DCAF6: variants seen among roughly 807,000 people sequenced by gnomAD.
The protein encoded by DCAF6 is DDB1- and CUL4-associated factor 6.
Under a neutral mutation model 125.1 loss-of-function variants are expected in DCAF6, and 54 were observed. The ratio of observed to expected loss-of-function variants is 0.43; its 90% CI spans 0.35 to 0.54. DCAF6 has a LOEUF of 0.54. Among genes scored for constraint, DCAF6 ranks in the 20% least tolerant of loss-of-function variants. The pLI is 0.01. For synonymous variants in DCAF6, 371 were observed against 390.4 expected (o/e 0.95, Z 0.58); for missense variants, 934 against 1,161.7 (o/e 0.80, Z 2.85).
chr1:168,020,150 G>A lies in DCAF6; in HGVS notation c.1550-2838G>A, dbSNP rs190706017. Among the ~76,000 whole-genome samples, 7 of 152,288 alleles carry A rather than the reference G, an allele frequency of 4.6e-5. No individual in the cohort carries two copies. In the East Asian group the frequency reaches 1.2e-3, roughly 25 times the overall value. ...TAAACATTAAATGACCCATTCCTAT[G>A]TGCTGTCTGAATATTTTACATGGAT... On this transcript the variant is annotated intron_variant, in intron 11 of 21. Transcript: ENST00000367840.
intron 10 of DCAF6, among the ~76,000 whole-genome samples, chr1:168,011,351 C>T (rs1169968094): frequency 2.6e-5 from 4 of 151,978 alleles, no homozygotes; most frequent in Admixed American, 2.0e-4. Context: ...CTCCTGAGCT[C>T]GTGATCCACC....
In DCAF6 at chr1:168,066,384, C is replaced by T. The variant is rs754155661; in HGVS notation, c.2604C>T (p.Ala868=). ...TATAAATTTTATTTCTAGTTTTAGC[C>T]TCATCTGGCATAGATTATGACATAA... is the stretch of plus-strand genomic sequence containing the variant. ...LQPHPFDPIL[A]SSGIDYDIKI... is the part of the protein sequence containing the mutation. The change falls in exon 20 of 22, where the codon GCC becomes GCT. Residue 868 remains alanine (A), a synonymous_variant. Coordinates refer to ENST00000367840, the MANE Select transcript of DCAF6 (RefSeq NM_001198956.2). 1.9e-6 allele frequency: 3 copies of T among 1,594,340 alleles called. No individual in the cohort carries two copies. Among genetic ancestry groups the T allele is most frequent in the Non-Finnish European group, 1.7e-6 (2 of 1,169,768 alleles).
intron 12 of DCAF6, among the ~76,000 whole-genome samples, chr1:168,024,710 A>G (rs1686105392): frequency 6.6e-6 from 1 of 150,906 alleles, no homozygotes; most frequent in African/African-American, 2.4e-5. Flanking sequence ...AGGCTGAGGG[A>G]GGAGAATCGC....
the DCAF6 span, among the ~76,000 whole-genome samples, chr1:167,886,946 T>C: frequency 2.0e-5 from 3 of 152,078 alleles, no homozygotes; most frequent in South Asian, 4.1e-4. Context: ...GATGAAAAAA[T>C]GTTCATCATC....
At chr1:168,002,448 A>G in intron 7 of DCAF6, 34 bp from the exon 8 acceptor site, 2 of 1,581,214 alleles carry the variant, frequency 1.3e-6, no homozygotes, top group Non-Finnish European at 1.7e-6. Flanking sequence ...TGAGTTTTAG[A>G]CTTACATAGA....
intron 13 of DCAF6, 22 bp from the exon 14 acceptor site, chr1:168,043,003 A>G: frequency 6.5e-7 from 1 of 1,527,732 alleles, no homozygotes; most frequent in Non-Finnish European, 9.0e-7. Context: ...TGGTGGAATC[A>G]CTTATCTTGT....
At chr1:167,946,311 A>T (rs1018847775) in intron 1 of DCAF6, among the ~76,000 whole-genome samples, 39 of 152,184 alleles carry the variant, frequency 2.6e-4, no homozygotes, top group African/African-American at 9.4e-4. Context: ...AGATCATATC[A>T]TCAGGAAACA....
At chr1:167,984,504 C>G (rs937147622) in intron 4 of DCAF6, among the ~76,000 whole-genome samples, 2 of 152,026 alleles carry the variant, frequency 1.3e-5, no homozygotes, top group African/African-American at 4.8e-5. Context: ...CCAATGATTT[C>G]ATTTATAGAC....
intron 15 of DCAF6, 63 bp downstream of exon 15, chr1:168,044,734 A>T (rs543663719): frequency 6.8e-7 from 1 of 1,468,576 alleles, no homozygotes; most frequent in South Asian, 1.2e-5. Flanking sequence ...ATCTATGTTA[A>T]TCTCTCTATA....
chr1:168,069,718 G>A (rs1692795418), intron 21 of DCAF6, among the ~76,000 whole-genome samples: 1 of 152,000 alleles, frequency 6.6e-6, no homozygotes, highest in Admixed American at 6.6e-5. Flanking sequence ...CAGGAAAGAG[G>A]GAAAACTTCA....
chr1:167,873,054 A>T, the DCAF6 span, among the ~76,000 whole-genome samples: 1 of 151,952 alleles, frequency 6.6e-6, no homozygotes, highest in South Asian at 2.1e-4. Flanking sequence ...TGGGCGACAG[A>T]GTGAGACTCT....
chr1:167,937,007 G>T lies in DCAF6; in HGVS notation c.96G>T (p.Leu32=). Residue 32 remains leucine, a splice_region_variant and synonymous_variant, in exon 1 of 22, where the codon CTG becomes CTT. Coordinates refer to ENST00000367840, the MANE Select transcript of DCAF6 (RefSeq NM_001198956.2). Reference sequence around the variant, plus strand: ...CGTCCCGGCTGCGGAGTCGCTACCTGGGTGAGCGGGGGCCCCGGGGCGGAG... The same window carrying T: ...CGTCCCGGCTGCGGAGTCGCTACCTTGGTGAGCGGGGGCCCCGGGGCGGAG... The part of the protein sequence containing the change: ...EDPSRLRSRY[L]GRREFIQRLK... The T allele has an allele frequency of 6.2e-7, 1 of 1,607,098 alleles. No homozygotes were observed. Among genetic ancestry groups the T allele is most frequent in the African/African-American group, 1.3e-5 (1 of 74,954 alleles).
At chr1:168,013,377 A>C (rs1684553553) in intron 10 of DCAF6, among the ~76,000 whole-genome samples, 1 of 152,242 alleles carries the variant, frequency 6.6e-6, no homozygotes, top group Admixed American at 6.5e-5. Flanking sequence ...TTGATTTCTG[A>C]AACAGTAAAC....
intron 17 of DCAF6, chr1:168,056,437 G>C (rs1690842080): frequency 1.5e-6 from 2 of 1,370,438 alleles, no homozygotes; most frequent in Non-Finnish European, 9.6e-7. Context: ...GCAGGGGTGC[G>C]GGGGTCGCAG....
chr1:167,932,415 T>C (rs756914307), upstream of DCAF6, among the ~76,000 whole-genome samples: 4 of 152,218 alleles, frequency 2.6e-5, no homozygotes, highest in Non-Finnish European at 5.9e-5. Context: ...TTTCATTGTG[T>C]GCACCCCTTG....
intron 17 of DCAF6, among the ~76,000 whole-genome samples, chr1:168,053,783 A>T (rs1428650330): frequency 1.3e-5 from 2 of 152,168 alleles, no homozygotes; most frequent in Admixed American, 6.5e-5. Flanking sequence ...GTAGGTGTTC[A>T]CCACAAATCA....
chr1:167,878,335 G>T, the DCAF6 span: 1 of 1,251,486 alleles, frequency 8.0e-7, no homozygotes, highest in Non-Finnish European at 1.2e-6. Flanking sequence ...GGAAAGCATA[G>T]ATTTCAACTT....
At position 168,043,100 on chromosome 1, in the gene DCAF6, A is replaced by G. The variant is rs370039386; in HGVS notation, c.1803A>G (p.Pro601=). The change falls in exon 14 of 22, where the codon CCA becomes CCG. Residue 601 remains proline (P), a synonymous_variant. Coordinates refer to ENST00000367840, the MANE Select transcript of DCAF6 (RefSeq NM_001198956.2). ...AGGGTCAGGAGGAATCTTTCGTCCC[A>G]CAGAGCTCAGTGCAACCACCAGAAG... ...KSEGQEESFV[P]QSSVQPPEGD... 41 of 1,612,868 alleles carry G rather than the reference A, an allele frequency of 2.5e-5. No individual in the cohort carries two copies. Among genetic ancestry groups the G allele is most frequent in the Non-Finnish European group, 3.1e-5 (37 of 1,179,364 alleles).
At chr1:167,931,500 ATATATG>A (rs1485745676), upstream of DCAF6, among the ~76,000 whole-genome samples, 15 of 151,994 alleles carry the variant, frequency 9.9e-5, no homozygotes, top group South Asian at 1.7e-3. Flanking sequence ...TTAAAAAATA[ATATATG>A]TATATTTAGT....
Sources: allele counts gnomAD v4.1 joint callset (sites outside exome capture counted in the v4.1 genomes callset), GRCh38; gene constraint gnomAD v4.1.1; transcripts MANE v1.5; gene names NCBI Gene and HGNC (gene_info 2026-07-23, HGNC 2026-07-21).